Variants in FBXL17 observed in about 807,000 individuals in gnomAD.
The protein encoded by FBXL17 is F-box and leucine rich repeat protein 17.
FBXL17 carries 22 observed loss-of-function variants against 66.2 expected under a neutral mutation model. The ratio of observed to expected loss-of-function variants is 0.33; its 90% CI spans 0.24 to 0.47. FBXL17 has a LOEUF of 0.47. Among genes scored for constraint, FBXL17 ranks in the 20% least tolerant of loss-of-function variants. The pLI is 1.00. For synonymous variants in FBXL17, 474 were observed against 400.5 expected, an observed-to-expected ratio of 1.18 and a Z score of -2.19; for missense variants, 878 against 948.2, an observed-to-expected ratio of 0.93 and a Z score of 0.97.
intron 7 of FBXL17, among the ~76,000 whole-genome samples, chr5:107,983,901 TG>T (rs1217370703): frequency 6.6e-6 from 1 of 151,884 alleles, no homozygotes. Context: ...AGAACAAAGG[TG>T]GGGAGGGTAT....
In FBXL17 at chr5:108,177,932, T is replaced by TAC. The variant is rs1554072223; in HGVS notation, c.1745+8183_1745+8184dup. On this transcript the variant is annotated intron_variant, in intron 6 of 8. Transcript: ENST00000542267. ...AAATGTATATATATATATATATATA[T>TAC]ACACACACACACTATTACCTCACTA... 3.9e-3 allele frequency among the ~76,000 whole-genome samples: 499 copies of TAC among 126,854 alleles called. 17 individuals are homozygous for TAC. The highest frequency in any genetic ancestry group is 0.011 in the African/African-American group (402 of 36,484). The allele number at this position is 126,854 out of a possible 152,430, so 83.2% of individuals were successfully genotyped here.
intron 6 of FBXL17, among the ~76,000 whole-genome samples, chr5:108,162,212 C>A (rs1013102581): frequency 6.6e-6 from 1 of 152,132 alleles, no homozygotes; most frequent in Admixed American, 6.6e-5. Context: ...TCAATAAACA[C>A]CTGGGGCTGG....
At chr5:107,892,058 A>G (rs1001206472) in intron 7 of FBXL17, among the ~76,000 whole-genome samples, 2 of 152,158 alleles carry the variant, frequency 1.3e-5, no homozygotes, top group African/African-American at 4.8e-5. Context: ...AAAATCATCT[A>G]ACACAAAGCC....
chr5:108,280,574 G>C (rs945759091), intron 4 of FBXL17, among the ~76,000 whole-genome samples: 1 of 151,114 alleles, frequency 6.6e-6, no homozygotes, highest in Admixed American at 6.6e-5. Flanking sequence ...CACCAAAACA[G>C]AATACTACCA....
chr5:108,373,708 GAGTT>G (rs1438698599), intron 1 of FBXL17, among the ~76,000 whole-genome samples: 1 of 152,088 alleles, frequency 6.6e-6, no homozygotes, highest in Non-Finnish European at 1.5e-5. Flanking sequence ...TTGAGCCCAG[GAGTT>G]CAAGACCAGC....
At chr5:108,339,982 G>A (rs1207357022) in intron 4 of FBXL17, among the ~76,000 whole-genome samples, 1 of 152,090 alleles carries the variant, frequency 6.6e-6, no homozygotes, top group Non-Finnish European at 1.5e-5. Flanking sequence ...AAGAAAAATT[G>A]TCTGGATATC....
rs527847650 is a variant in FBXL17, at chr5:107,863,354, G to A, written c.1966-1494C>T. Among the ~76,000 whole-genome samples the A allele has an allele frequency of 1.1e-3, 169 of 151,324 alleles. 1 individual carries two copies. Among genetic ancestry groups the A allele is most frequent in the African/African-American group, 3.6e-3 (151 of 41,442 alleles). ...AGTTTCAGTTTATTAAGTTGTTCAA[G>A]TTCCTTCTGGTCTTGGGATCTTTAC... On this transcript the variant is annotated intron_variant, in intron 8 of 8. Transcript: ENST00000542267.
At chr5:108,330,776 G>A (rs1760085495) in intron 4 of FBXL17, among the ~76,000 whole-genome samples, 2 of 151,844 alleles carry the variant, frequency 1.3e-5, no homozygotes, top group African/African-American at 2.4e-5. Flanking sequence ...ATCATTGCAC[G>A]TGCACACACA....
chr5:108,332,167 G>A (rs868506195), intron 4 of FBXL17, among the ~76,000 whole-genome samples: 6 of 152,226 alleles, frequency 3.9e-5, no homozygotes, highest in African/African-American at 1.4e-4. Flanking sequence ...AGGGAGGAAT[G>A]CATAGGTAGA....
At chr5:108,271,226 TC>T (rs1757254597) in intron 4 of FBXL17, among the ~76,000 whole-genome samples, 2 of 152,096 alleles carry the variant, frequency 1.3e-5, no homozygotes, top group African/African-American at 4.8e-5. Flanking sequence ...AAACTGGAGC[TC>T]CCTTCCTCTT....
chr5:107,980,664 A>ATATATATATATATATATTTTTTT, intron 7 of FBXL17, among the ~76,000 whole-genome samples: 2 of 62,076 alleles, frequency 3.2e-5, no homozygotes, highest in Non-Finnish European at 5.5e-5. Flanking sequence ...ATATATATAT[A>ATATATATATATATATATTTTTTT]TTTTTTTTTT....
At chr5:108,245,196 A>G (rs960057152) in intron 4 of FBXL17, among the ~76,000 whole-genome samples, 1 of 152,204 alleles carries the variant, frequency 6.6e-6, no homozygotes, top group African/African-American at 2.4e-5. Context: ...ATATGCAAAA[A>G]GAAAATGCAC....
rs757248885 is a variant in FBXL17, at chr5:107,860,790, T to C, written c.*930A>G. 3 of 152,530 alleles carry C rather than the reference T, an allele frequency of 2.0e-5. No individual in the cohort carries two copies. The highest frequency in any genetic ancestry group is 4.4e-5 in the Non-Finnish European group (3 of 68,036). 9.4% of individuals were successfully genotyped at this position (152,530 alleles called of 1,614,324 possible). A position where few individuals can be genotyped will look rare whatever the true frequency, so the allele number is the denominator to read the frequency against. Reference sequence around the variant, plus strand: ...TGACTACCCTCTCGTATCTCAGAAATAGACTTTAATAATTACCAAAATTAA... The same window carrying C: ...TGACTACCCTCTCGTATCTCAGAAACAGACTTTAATAATTACCAAAATTAA... On this transcript the variant is annotated 3_prime_UTR_variant, in exon 9 of 9. Transcript: ENST00000542267.
At chr5:108,012,372 A>G (rs190894241) in intron 7 of FBXL17, among the ~76,000 whole-genome samples, 103 of 152,314 alleles carry the variant, frequency 6.8e-4, no homozygotes, top group Admixed American at 1.8e-3. Flanking sequence ...TGCAACTTAC[A>G]TTTGGTATCA....
chr5:107,976,136 C>T (rs771325294), intron 7 of FBXL17, among the ~76,000 whole-genome samples: 4 of 152,086 alleles, frequency 2.6e-5, no homozygotes, highest in Non-Finnish European at 5.9e-5. Flanking sequence ...GGATTACAGG[C>T]GTAAGCCATC....
chr5:107,983,059 C>T (rs1752884059), intron 7 of FBXL17, among the ~76,000 whole-genome samples: 2 of 152,040 alleles, frequency 1.3e-5, no homozygotes, highest in Admixed American at 1.3e-4. Flanking sequence ...TCTGCTTCTC[C>T]CCTTTCTTAT....
intron 4 of FBXL17, among the ~76,000 whole-genome samples, chr5:108,261,931 T>G (rs922632461): frequency 6.6e-6 from 1 of 151,808 alleles, no homozygotes; most frequent in Non-Finnish European, 1.5e-5. Flanking sequence ...ACCAAACATA[T>G]TAATAAATAT....
chr5:108,017,732 T>G (rs189154329), intron 7 of FBXL17, among the ~76,000 whole-genome samples: 10 of 152,324 alleles, frequency 6.6e-5, no homozygotes, highest in Admixed American at 5.9e-4. Flanking sequence ...ATGACAATAT[T>G]ATATTTCTCT....
chr5:107,871,078 A>AAAAAAAAAAAAAAAAAAAAAAAC (rs1554080849), intron 8 of FBXL17, among the ~76,000 whole-genome samples: 2 of 146,896 alleles, frequency 1.4e-5, no homozygotes, highest in African/African-American at 5.1e-5. Context: ...AAAAAAAAAA[A>AAAAAAAAAAAAAAAAAAAAAAAC]ACCTCATCTA....
Sources: gnomAD v4.1 joint callset for allele counts (sites outside exome capture counted in the v4.1 genomes callset) on GRCh38, gnomAD v4.1.1 for gene constraint, MANE v1.5 for transcripts, NCBI Gene and HGNC (gene_info 2026-07-23, HGNC 2026-07-21) for gene names.